DLGAP2: variants seen among roughly 807,000 people sequenced by gnomAD.
DLGAP2 encodes DLG associated protein 2.
DLGAP2 carries 26 observed loss-of-function variants against 100.3 expected under a neutral mutation model. The ratio of observed to expected loss-of-function variants is 0.26; its 90% CI spans 0.19 to 0.36. The LOEUF (loss-of-function observed/expected upper bound fraction) is 0.36, where lower values mean the gene tolerates loss of function less well. Ranked by LOEUF, DLGAP2 falls within the 10% of genes least tolerant of loss-of-function variation. The probability of loss-of-function intolerance (pLI) is 1.00; values close to 1 mark genes in which losing one functional copy is unlikely to be tolerated. For synonymous variants in DLGAP2, 886 were observed against 630.1 expected (o/e 1.41, Z -6.08); for missense variants, 1,858 against 1,453.2 (o/e 1.28, Z -4.53).
At chr8:982,763 G>C (rs1267312071) in intron 2 of DLGAP2, among the ~76,000 whole-genome samples, 1 of 152,062 alleles carries the variant, frequency 6.6e-6, no homozygotes, top group Non-Finnish European at 1.5e-5. Context: ...TAAAGCAGCT[G>C]GGCTACCTTT....
At chr8:1,336,189 T>C (rs61219342) in intron 3 of DLGAP2, among the ~76,000 whole-genome samples, 2,968 of 152,354 alleles carry the variant, frequency 0.019, 111 homozygotes, top group African/African-American at 0.067. Flanking sequence ...AAATAATGTA[T>C]TCAATGAATG....
At chr8:1,115,103 G>A (rs1318798803) in intron 2 of DLGAP2, among the ~76,000 whole-genome samples, 1 of 152,112 alleles carries the variant, frequency 6.6e-6, no homozygotes, top group Non-Finnish European at 1.5e-5. Flanking sequence ...TGAGGATTAT[G>A]TTCAATTATG....
Position 1,678,231 on chromosome 8 carries a change from G to A in DLGAP2, c.2306G>A (p.Arg769His), listed in dbSNP as rs1259369243. Reference sequence around the variant, plus strand: ...TTTTGCAGACACGGACGTTTTAAACGTTCTAACAGCGTCACGGCCGCCGTC... The same window carrying A: ...TTTTGCAGACACGGACGTTTTAAACATTCTAACAGCGTCACGGCCGCCGTC... ...EDEKRHGRFK[R>H]SNSVTAAVQA... Residue 769 changes from arginine (R) to histidine (H), a missense_variant, in exon 12 of 15, where the codon CGT becomes CAT. Transcript: ENST00000637795. The A allele has an allele frequency of 5.6e-6, 9 of 1,612,758 alleles. No homozygotes were observed. The highest frequency in any genetic ancestry group is 1.3e-5 in the African/African-American group (1 of 74,896).
intron 3 of DLGAP2, among the ~76,000 whole-genome samples, chr8:1,457,120 C>T (rs1000410142): frequency 1.3e-5 from 2 of 152,162 alleles, no homozygotes; most frequent in African/African-American, 4.8e-5. Flanking sequence ...ATTGGAGTTG[C>T]AAGATTTTTC....
chr8:1,607,736 A>G (rs11779993), intron 6 of DLGAP2, among the ~76,000 whole-genome samples: 35,447 of 149,124 alleles, frequency 0.24, 1,630 homozygotes, highest in East Asian at 0.37. Context: ...GGGAAGCGCA[A>G]GGGGTCAGGG....
intron 3 of DLGAP2, among the ~76,000 whole-genome samples, chr8:1,288,333 C>T (rs1489653327): frequency 1.7e-5 from 2 of 118,876 alleles, no homozygotes; most frequent in Non-Finnish European, 3.3e-5. Context: ...AGTTTCGTTT[C>T]AGTGTGTGTG....
At chr8:1,637,981 G>A (rs995362935) in intron 8 of DLGAP2, among the ~76,000 whole-genome samples, 8 of 152,210 alleles carry the variant, frequency 5.3e-5, no homozygotes, top group African/African-American at 1.9e-4. Context: ...CTGAAGTAAT[G>A]ACAAACGTCC....
chr8:770,202 G>A lies in DLGAP2; in HGVS notation c.18+32377G>A, dbSNP rs546355745. The stretch of plus-strand genomic sequence containing the variant: ...GTGTTGCTACAATTTGCCTGGAGTT[G>A]TGGAGTTAGTGAGGGGCTGCGGAAT... On this transcript the variant is annotated intron_variant, in intron 1 of 14. Transcript: ENST00000637795. Among the ~76,000 whole-genome samples, 16 of 152,286 alleles carry A rather than the reference G, an allele frequency of 1.1e-4. No homozygotes were observed. In the South Asian group the frequency reaches 3.3e-3, roughly 32 times the overall value.
intron 4 of DLGAP2, among the ~76,000 whole-genome samples, chr8:1,530,571 C>T (rs913236383): frequency 6.6e-6 from 1 of 152,144 alleles, no homozygotes; most frequent in Non-Finnish European, 1.5e-5. Flanking sequence ...TAAAGACAGG[C>T]ATAGGAAATC....
intron 2 of DLGAP2, among the ~76,000 whole-genome samples, chr8:1,166,530 G>A (rs1797019367): frequency 6.6e-6 from 1 of 152,142 alleles, no homozygotes; most frequent in Non-Finnish European, 1.5e-5. Context: ...CCATTTTGCT[G>A]ACATTTTTAT....
chr8:1,647,441 A>C (rs1467516943), intron 8 of DLGAP2, among the ~76,000 whole-genome samples: 1 of 136,042 alleles, frequency 7.4e-6, no homozygotes, highest in Non-Finnish European at 1.6e-5. Context: ...GTGAGCCGAG[A>C]TCGCGCCACT....
At chr8:1,454,165 C>T (rs1238816969) in intron 3 of DLGAP2, among the ~76,000 whole-genome samples, 1 of 152,176 alleles carries the variant, frequency 6.6e-6, no homozygotes, top group Non-Finnish European at 1.5e-5. Flanking sequence ...CTTCGCAAAC[C>T]CTCTGTGGAT....
At chr8:973,125 T>C (rs1275180917) in intron 2 of DLGAP2, among the ~76,000 whole-genome samples, 1 of 152,238 alleles carries the variant, frequency 6.6e-6, no homozygotes, top group Non-Finnish European at 1.5e-5. Flanking sequence ...CTCAATGAGC[T>C]GTTGGGTACA....
intron 2 of DLGAP2, among the ~76,000 whole-genome samples, chr8:1,180,692 A>G (rs1051262914): frequency 2.0e-5 from 3 of 151,452 alleles, no homozygotes; most frequent in Non-Finnish European, 4.4e-5. Context: ...CAGTACAATT[A>G]CCGTCGAGTG....
intron 4 of DLGAP2, among the ~76,000 whole-genome samples, chr8:1,520,996 C>T (rs181303637): frequency 4.9e-4 from 74 of 152,304 alleles, no homozygotes; most frequent in African/African-American, 1.1e-3. Context: ...CCTGAGGCTC[C>T]GCGTCCTGGC....
At chr8:1,421,674 A>C (rs28434772) in intron 3 of DLGAP2, among the ~76,000 whole-genome samples, 12,655 of 152,266 alleles carry the variant, frequency 0.083, 909 homozygotes, top group East Asian at 0.36. Flanking sequence ...GGCTATAACA[A>C]AATTCATAAG....
chr8:882,139 C>T (rs1382478168), intron 1 of DLGAP2, among the ~76,000 whole-genome samples: 1 of 152,212 alleles, frequency 6.6e-6, no homozygotes, highest in Non-Finnish European at 1.5e-5. Flanking sequence ...TTAAGAGAGG[C>T]GTCAGTGATG....
chr8:1,382,192 A>G (rs1263111796), intron 3 of DLGAP2, among the ~76,000 whole-genome samples: 1 of 152,224 alleles, frequency 6.6e-6, no homozygotes, highest in Admixed American at 6.5e-5. Flanking sequence ...CTGTATTCAT[A>G]CAGTAAAGTA....
chr8:746,464 G>A (rs973484803), intron 1 of DLGAP2, among the ~76,000 whole-genome samples: 13 of 152,322 alleles, frequency 8.5e-5, no homozygotes, highest in Admixed American at 3.9e-4. Flanking sequence ...TCGGCAGGGG[G>A]GCTCCAGAGC....
Sources: allele counts gnomAD v4.1 joint callset (sites outside exome capture counted in the v4.1 genomes callset), GRCh38; gene constraint gnomAD v4.1.1; transcripts MANE v1.5; gene names NCBI Gene and HGNC (gene_info 2026-07-23, HGNC 2026-07-21).